PTPRJ: variants seen among roughly 807,000 people sequenced by gnomAD.
PTPRJ encodes protein tyrosine phosphatase receptor type J.
A neutral mutation model predicts 141.3 loss-of-function variants in PTPRJ; 129 were observed. That is an observed-to-expected ratio of 0.91 (90% CI 0.79 to 1.06). The LOEUF (loss-of-function observed/expected upper bound fraction) is 1.06. Among genes scored for constraint, PTPRJ ranks in the 50% least tolerant of loss-of-function variants. The probability of loss-of-function intolerance (pLI) is 0.00; values close to 1 mark genes in which losing one functional copy is unlikely to be tolerated. For synonymous variants in PTPRJ, 610 were observed against 640.5 expected, an observed-to-expected ratio of 0.95 and a Z score of 0.72; for missense variants, 1,601 against 1,679.7, an observed-to-expected ratio of 0.95 and a Z score of 0.82.
chr11:48,165,362 A>C (rs1458004992), intron 24 of PTPRJ, among the ~76,000 whole-genome samples: 2 of 152,222 alleles, frequency 1.3e-5, no homozygotes, highest in African/African-American at 4.8e-5. Context: ...GAAAAGGAAC[A>C]CTTAATATCT....
chr11:48,055,859 G>A (rs75874665), intron 1 of PTPRJ, among the ~76,000 whole-genome samples: 1 of 152,232 alleles, frequency 6.6e-6, no homozygotes, highest in Admixed American at 6.5e-5. Context: ...TGCTGAAAAC[G>A]CGATGCATTT....
intron 1 of PTPRJ, among the ~76,000 whole-genome samples, chr11:48,031,465 T>G (rs540233422): frequency 3.3e-5 from 5 of 152,306 alleles, no homozygotes; most frequent in African/African-American, 1.2e-4. Context: ...TTCCAAAGCA[T>G]GATACAGATG....
At chr11:48,041,656 G>T (rs1854275023) in intron 1 of PTPRJ, among the ~76,000 whole-genome samples, 1 of 152,016 alleles carries the variant, frequency 6.6e-6, no homozygotes, top group South Asian at 2.1e-4. Flanking sequence ...TCAGCGTCTT[G>T]CTTTGTCACC....
In PTPRJ at chr11:48,017,740, A is replaced by G. The variant is rs546277250; in HGVS notation, c.96+36732A>G. Among the ~76,000 whole-genome samples the G allele has an allele frequency of 7.2e-5, 11 of 152,328 alleles. No individual in the cohort carries two copies. In the South Asian group the frequency reaches 1.5e-3, roughly 20 times the overall value. ...GTGTAGGACAGGGAAAGCACCTTGC[A>G]GAGAGCAAGGGCCCACTGGCTGCAG... On this transcript the variant is annotated intron_variant, in intron 1 of 24. Transcript: ENST00000418331.
intron 1 of PTPRJ, among the ~76,000 whole-genome samples, chr11:47,995,275 C>T (rs1022884103): frequency 3.9e-5 from 6 of 152,106 alleles, no homozygotes; most frequent in Non-Finnish European, 8.8e-5. Context: ...GTTGTGAGCA[C>T]GTTGTACATA....
At chr11:48,024,052 A>AGG (rs1353537364) in intron 1 of PTPRJ, among the ~76,000 whole-genome samples, 1 of 152,048 alleles carries the variant, frequency 6.6e-6, no homozygotes, top group African/African-American at 2.4e-5. Flanking sequence ...CTTATCCAGC[A>AGG]GGCCCCCCAC....
At chr11:48,069,511 G>A (rs1278947059) in intron 1 of PTPRJ, among the ~76,000 whole-genome samples, 9 of 143,850 alleles carry the variant, frequency 6.3e-5, no homozygotes, top group East Asian at 2.0e-4. Context: ...GTGCAATGGC[G>A]CAATCTTGGC....
intron 1 of PTPRJ, chr11:48,015,730 A>G (rs193028664): frequency 6.6e-6 from 1 of 152,104 alleles, no homozygotes; most frequent in East Asian, 1.9e-4. Flanking sequence ...GTGCACCTGT[A>G]ATCCCAGCTA....
chr11:48,014,505 G>A (rs7934612), intron 1 of PTPRJ: 1 of 152,170 alleles, frequency 6.6e-6, no homozygotes, highest in African/African-American at 2.4e-5. Context: ...CATCTGTTAT[G>A]TGCTAGTGAC....
intron 1 of PTPRJ, among the ~76,000 whole-genome samples, chr11:48,056,501 C>T (rs998534992): frequency 9.9e-5 from 15 of 152,164 alleles, no homozygotes; most frequent in African/African-American, 2.7e-4. Context: ...ACTATTAGAG[C>T]GGCAGTTTGG....
chr11:48,061,483 T>C (rs1475123713), intron 1 of PTPRJ, among the ~76,000 whole-genome samples: 1 of 152,224 alleles, frequency 6.6e-6, no homozygotes, highest in Middle Eastern at 3.2e-3. Flanking sequence ...CTGCTGATAG[T>C]AACACAGGCA....
chr11:48,131,031 T>TACACACACACAC (rs368230622), intron 8 of PTPRJ, among the ~76,000 whole-genome samples: 15,994 of 67,542 alleles, frequency 0.24, 3,057 homozygotes, highest in Non-Finnish European at 0.34. Context: ...TAATATTTAA[T>TACACACACACAC]ACACACACAC....
At chr11:48,092,322 A>T (rs1231214208) in intron 1 of PTPRJ, among the ~76,000 whole-genome samples, 1 of 148,928 alleles carries the variant, frequency 6.7e-6, no homozygotes, top group Non-Finnish European at 1.5e-5. Context: ...AAAAAAGAAA[A>T]AGAAAAAAAG....
At chr11:48,013,756 T>A (rs1854875625) in intron 1 of PTPRJ, among the ~76,000 whole-genome samples, 1 of 152,154 alleles carries the variant, frequency 6.6e-6, no homozygotes, top group African/African-American at 2.4e-5. Context: ...CAGAACCATG[T>A]GATGCACCCT....
intron 1 of PTPRJ, among the ~76,000 whole-genome samples, chr11:48,095,686 T>A (rs778752668): frequency 6.6e-6 from 1 of 151,928 alleles, no homozygotes; most frequent in African/African-American, 2.4e-5. Context: ...TTCAAGTGAT[T>A]TCTCCTGCCT....
chr11:48,164,060 C>T (rs946717264), intron 23 of PTPRJ, among the ~76,000 whole-genome samples: 4 of 152,006 alleles, frequency 2.6e-5, no homozygotes, highest in African/African-American at 7.3e-5. Context: ...GCTCTGTTGC[C>T]CAGTGGGGAA....
chr11:48,084,569 C>T (rs1855646600), intron 1 of PTPRJ, among the ~76,000 whole-genome samples: 1 of 152,184 alleles, frequency 6.6e-6, no homozygotes, highest in African/African-American at 2.4e-5. Context: ...TTCTGATTGG[C>T]TGACACAGCT....
chr11:48,086,583 C>G (rs1187155566), intron 1 of PTPRJ, among the ~76,000 whole-genome samples: 1 of 152,244 alleles, frequency 6.6e-6, no homozygotes, highest in Non-Finnish European at 1.5e-5. Flanking sequence ...TGTCTCCAAC[C>G]TGTAGCCTGA....
chr11:48,007,845 G>T, intron 1 of PTPRJ, among the ~76,000 whole-genome samples: 1 of 152,234 alleles, frequency 6.6e-6, no homozygotes, highest in South Asian at 2.1e-4. Flanking sequence ...GTCATTGAGG[G>T]TCATCTAATG....
Sources: allele counts gnomAD v4.1 joint callset (sites outside exome capture counted in the v4.1 genomes callset), GRCh38; gene constraint gnomAD v4.1.1; transcripts MANE v1.5; gene names NCBI Gene and HGNC (gene_info 2026-07-23, HGNC 2026-07-21).